Variants in DLST observed in about 807,000 individuals in gnomAD.
DLST encodes the protein dihydrolipoamide S-succinyltransferase.
Under a neutral mutation model 53.1 loss-of-function variants are expected in DLST, and 17 were observed. The ratio of observed to expected loss-of-function variants is 0.32; its 90% confidence interval spans 0.22 to 0.48. DLST has a LOEUF of 0.48. DLST is among the 20% of genes least tolerant of loss of function. The probability of loss-of-function intolerance (pLI) is 0.99; values close to 1 mark genes in which losing one functional copy is unlikely to be tolerated. For missense variants in DLST, 512 were observed against 583.9 expected, an observed-to-expected ratio of 0.88 and a Z score of 1.27; for synonymous variants, 206 against 204.8, an observed-to-expected ratio of 1.01 and a Z score of -0.05.
chr14:74,894,527 T>A, intron 10 of DLST, 118 bp downstream of exon 10: 1 of 1,116,172 alleles, frequency 9.0e-7, no homozygotes, highest in Non-Finnish European at 1.3e-6. Context: ...AGGTATTTGT[T>A]TATTGTTTTT....
In DLST at chr14:74,901,222, A is replaced by G. The variant is rs1243843561; in HGVS notation, c.1216A>G (p.Ile406Val). ...MHGIFDRPVA[I>V]GGKVEVRPMM... Reference sequence around the variant, plus strand: ...TGGCATCTTTGACAGGCCAGTGGCTATAGGAGGCAAGGTAGGAACCGTCAC... The same window carrying G: ...TGGCATCTTTGACAGGCCAGTGGCTGTAGGAGGCAAGGTAGGAACCGTCAC... Residue 406 changes from isoleucine (I) to valine (V), a missense_variant, in exon 14 of 15, where the codon ATA (isoleucine) becomes GTA (valine). Ile to Val is a conservative substitution (Grantham distance 29). Coordinates refer to ENST00000334220, the MANE Select transcript of DLST (RefSeq NM_001933.5). 15 of 1,613,966 alleles carry G rather than the reference A, an allele frequency of 9.3e-6. No homozygotes were observed. Among genetic ancestry groups the G allele is most frequent in the Non-Finnish European group, 1.3e-5 (15 of 1,179,992 alleles).
intron 6 of DLST, among the ~76,000 whole-genome samples, chr14:74,890,606 A>G (rs1883870411): frequency 6.6e-6 from 1 of 152,190 alleles, no homozygotes; most frequent in Non-Finnish European, 1.5e-5. Flanking sequence ...GTGAATCTTC[A>G]CAGTAGCGAT....
At chr14:74,888,894 A>T (rs1192532941) in intron 3 of DLST, among the ~76,000 whole-genome samples, 1 of 152,100 alleles carries the variant, frequency 6.6e-6, no homozygotes, top group Non-Finnish European at 1.5e-5. Flanking sequence ...GTTAGGCTCT[A>T]CTCCAGACCT....
intron 3 of DLST, among the ~76,000 whole-genome samples, chr14:74,887,982 C>A (rs1883764334): frequency 6.6e-6 from 1 of 152,160 alleles, no homozygotes; most frequent in African/African-American, 2.4e-5. Context: ...AAGTGAAAGT[C>A]CCCATCCAAA....
At chr14:74,887,498 C>CT (rs1883748352) in intron 3 of DLST, among the ~76,000 whole-genome samples, 1 of 152,066 alleles carries the variant, frequency 6.6e-6, no homozygotes, top group Non-Finnish European at 1.5e-5. Context: ...TGTGTTGTGC[C>CT]TTTTTTGTGA....
intron 10 of DLST, among the ~76,000 whole-genome samples, chr14:74,895,492 G>C (rs754337681): frequency 1.3e-5 from 2 of 152,162 alleles, no homozygotes; most frequent in Non-Finnish European, 2.9e-5. Flanking sequence ...ACCATGGCTC[G>C]TGCCTATAAT....
chr14:74,893,490 G>C, intron 9 of DLST, 66 bp downstream of exon 9: 1 of 1,554,722 alleles, frequency 6.4e-7, no homozygotes. Flanking sequence ...TGGAGTATGG[G>C]TGTGGTGATG....
intron 13 of DLST, among the ~76,000 whole-genome samples, chr14:74,900,579 GA>G (rs1884213019): frequency 6.6e-6 from 1 of 152,208 alleles, no homozygotes; most frequent in Non-Finnish European, 1.5e-5. Context: ...AGACCTGCTA[GA>G]AAAGATCATC....
intron 7 of DLST, chr14:74,891,806 C>T (rs1883917446): frequency 5.1e-6 from 5 of 985,230 alleles, no homozygotes; most frequent in Non-Finnish European, 6.0e-6. Context: ...ATTTCTTTTT[C>T]ACTGTTACAC....
intron 3 of DLST, among the ~76,000 whole-genome samples, chr14:74,888,238 C>A (rs1883773883): frequency 6.6e-6 from 1 of 150,866 alleles, no homozygotes; most frequent in Non-Finnish European, 1.5e-5. Context: ...GTAGGAGATA[C>A]CATATGGGGT....
At chr14:74,884,378 TC>T (rs1883633918) in intron 2 of DLST, among the ~76,000 whole-genome samples, 1 of 152,208 alleles carries the variant, frequency 6.6e-6, no homozygotes, top group African/African-American at 2.4e-5. Flanking sequence ...GTAAACATTT[TC>T]TCCACTTCAT....
chr14:74,890,026 T>C, intron 6 of DLST, 74 bp downstream of exon 6: 1 of 1,318,606 alleles, frequency 7.6e-7, no homozygotes, highest in Non-Finnish European at 1.1e-6. Flanking sequence ...AACAGGGACT[T>C]AACCATTGTT....
chr14:74,902,534 A>C lies in DLST; in HGVS notation c.*204A>C. On this transcript the variant is annotated 3_prime_UTR_variant, in exon 15 of 15. Coordinates refer to ENST00000334220, the MANE Select transcript of DLST (RefSeq NM_001933.5). Reference sequence around the variant, plus strand: ...GGCTCTCCCTCTCTGCACCTGTCTCATAGCCTCGAATATCTTAATTCCTTA... The same window carrying C: ...GGCTCTCCCTCTCTGCACCTGTCTCCTAGCCTCGAATATCTTAATTCCTTA... 4.2e-6 allele frequency: 2 copies of C among 477,744 alleles called. No individual in the cohort carries two copies. Among genetic ancestry groups the C allele is most frequent in the Non-Finnish European group, 7.3e-6 (2 of 274,790 alleles). The allele number at this position is 477,744 out of a possible 1,614,324, so 29.6% of individuals were successfully genotyped here. A position where few individuals can be genotyped will look rare whatever the true frequency, so the allele number is the denominator to read the frequency against.
intron 3 of DLST, among the ~76,000 whole-genome samples, chr14:74,887,566 G>A (rs1883750360): frequency 6.6e-6 from 1 of 152,084 alleles, no homozygotes; most frequent in Admixed American, 6.5e-5. Context: ...TTGGTTTTAT[G>A]TTTTTACTAA....
At chr14:74,901,036 T>C in intron 13 of DLST, 30 bp from the exon 14 acceptor site, 1 of 1,610,066 alleles carries the variant, frequency 6.2e-7, no homozygotes. Context: ...TGGGTTGGCT[T>C]GATATTTCAA....
chr14:74,885,522 A>C (rs1476540247), intron 2 of DLST, 64 bp from the exon 3 acceptor site: 1 of 1,556,440 alleles, frequency 6.4e-7, no homozygotes, highest in African/African-American at 1.4e-5. Flanking sequence ...GACCTTTTCC[A>C]TTCCCAGCAT....
In DLST at chr14:74,892,875, G is replaced by T. The variant is rs369541556; in HGVS notation, c.484G>T (p.Ala162Ser). The change falls in exon 8 of 15, where the codon GCA (alanine) becomes TCA (serine). Residue 162 changes from alanine (A) to serine (S), a missense_variant. By Grantham distance (99) the Ala-to-Ser change is moderately conservative. Transcript: ENST00000334220. ...CAAGCCGGCTGAAGCTCCTGCTGCT[G>T]CAGCCCCAAAAGCAGAACCTACAGC... Reference protein sequence around the residue: ...KAKPAEAPAAAAPKAEPTAAA... With the variant: ...KAKPAEAPAASAPKAEPTAAA... 1.2e-6 allele frequency: 2 copies of T among 1,613,680 alleles called. No homozygotes were observed. The highest frequency in any genetic ancestry group is 2.7e-5 in the African/African-American group (2 of 74,890).
chr14:74,888,242 A>G (rs908299312), intron 3 of DLST, among the ~76,000 whole-genome samples: 1 of 144,662 alleles, frequency 6.9e-6, no homozygotes, highest in Non-Finnish European at 1.5e-5. Context: ...GAGATACCAT[A>G]TGGGGTTTGT....
intron 14 of DLST, 46 bp from the exon 15 acceptor site, chr14:74,902,150 G>C: frequency 6.7e-7 from 1 of 1,490,644 alleles, no homozygotes; most frequent in African/African-American, 1.4e-5. Context: ...AGCGAGGCTG[G>C]CTGTGGCTTG....
Sources: gnomAD v4.1 joint callset for allele counts (sites outside exome capture counted in the v4.1 genomes callset) on GRCh38, gnomAD v4.1.1 for gene constraint, MANE v1.5 for transcripts, NCBI Gene and HGNC (gene_info 2026-07-23, HGNC 2026-07-21) for gene names.